The following FBXL7 variants were observed in gnomAD, a reference collection of about 807,000 sequenced individuals.
FBXL7 encodes the protein F-box and leucine rich repeat protein 7.
FBXL7 carries 12 observed loss-of-function variants against 38.3 expected under a neutral mutation model. The observed-to-expected ratio is 0.31, with a 90% CI of 0.20 to 0.51. FBXL7 has a LOEUF of 0.51. Ranked by LOEUF, FBXL7 falls within the 20% of genes least tolerant of loss-of-function variation. The pLI, the probability that FBXL7 is intolerant of heterozygous loss-of-function variation, is 0.98. For synonymous variants in FBXL7, 297 were observed against 300.9 expected (o/e 0.99, Z 0.13); for missense variants, 567 against 676.4 (o/e 0.84, Z 1.79).
rs750256987 is a variant in FBXL7, at chr5:15,734,976, C to T, written c.127+118904C>T. ...GACAGAGTTTTGCTCTTGTTGCCCC[C>T]GCTGGAGTACAAGGGCATGATCTTG... On this transcript the variant is annotated intron_variant, in intron 2 of 3. Transcript: ENST00000504595. 3.3e-5 allele frequency among the ~76,000 whole-genome samples: 5 copies of T among 152,110 alleles called. No homozygotes were observed. The East Asian group carries it at 5.8e-4, about 18-fold the overall frequency.
At position 15,596,877 on chromosome 5, in the gene FBXL7, C is replaced by G. The variant is rs80233469; in HGVS notation, c.38-19106C>G. Among the ~76,000 whole-genome samples the G allele has an allele frequency of 3.0e-3, 463 of 152,312 alleles. 2 individuals are homozygous for G. Among genetic ancestry groups the G allele is most frequent in the Non-Finnish European group, 5.2e-3 (355 of 68,032 alleles). On this transcript the variant is annotated intron_variant, in intron 1 of 3. Coordinates refer to ENST00000504595, the MANE Select transcript of FBXL7 (RefSeq NM_012304.5). The stretch of plus-strand genomic sequence containing the variant: ...ACGCTCCATGCCCCTTCCCACATAC[C>G]TCGCCCTGTGCATCTCTTCATCTCT...
intron 1 of FBXL7, among the ~76,000 whole-genome samples, chr5:15,587,042 C>A (rs971507479): frequency 1.3e-5 from 2 of 152,200 alleles, no homozygotes; most frequent in African/African-American, 4.8e-5. Flanking sequence ...ATATTTCCTT[C>A]TGAACCTCAG....
chr5:15,632,435 A>G (rs979217725), intron 2 of FBXL7, among the ~76,000 whole-genome samples: 1 of 152,194 alleles, frequency 6.6e-6, no homozygotes, highest in African/African-American at 2.4e-5. Flanking sequence ...GGGAATGTGG[A>G]CTAGTTCATC....
At chr5:15,808,236 AT>A (rs1376857012) in intron 2 of FBXL7, among the ~76,000 whole-genome samples, 1 of 151,402 alleles carries the variant, frequency 6.6e-6, no homozygotes, top group African/African-American at 2.4e-5. Flanking sequence ...GATTTCCTTC[AT>A]TGTCTTTCTC....
intron 2 of FBXL7, among the ~76,000 whole-genome samples, chr5:15,905,280 G>A (rs1209730562): frequency 6.6e-6 from 1 of 152,108 alleles, no homozygotes; most frequent in African/African-American, 2.4e-5. Context: ...CTCTTTTTAA[G>A]CTAAAATTAA....
intron 2 of FBXL7, among the ~76,000 whole-genome samples, chr5:15,724,670 C>T (rs1186323836): frequency 6.6e-6 from 1 of 152,152 alleles, no homozygotes; most frequent in South Asian, 2.1e-4. Flanking sequence ...TATGAATTTT[C>T]TGGTGATTTA....
Position 15,883,594 on chromosome 5 carries a change from G to A in FBXL7, c.128-44296G>A, listed in dbSNP as rs566760857. On this transcript the variant is annotated intron_variant, in intron 2 of 3. Transcript: ENST00000504595. ...ATGCGTCATTTTTGTTGGAAATATTGGGGCAGAAAGTCCAAAATGTGATCA... is the reference window on the plus strand; with the variant it reads ...ATGCGTCATTTTTGTTGGAAATATTAGGGCAGAAAGTCCAAAATGTGATCA... Among the ~76,000 whole-genome samples, 6 of 152,178 alleles carry A rather than the reference G, an allele frequency of 3.9e-5. No individual in the cohort carries two copies. In the South Asian group the frequency reaches 1.2e-3, roughly 32 times the overall value.
chr5:15,879,816 G>T lies in FBXL7; in HGVS notation c.128-48074G>T, dbSNP rs993086506. Among the ~76,000 whole-genome samples the T allele has an allele frequency of 5.9e-5, 9 of 152,304 alleles. No homozygotes were observed. In the East Asian group the frequency reaches 1.7e-3, roughly 29 times the overall value. ...TGATAATACAGAGATCAATACCAAA[G>T]CATTCTAAACATCTATAGGATCCCC... On this transcript the variant is annotated intron_variant, in intron 2 of 3. Transcript: ENST00000504595.
chr5:15,819,126 C>A (rs1215033849), intron 2 of FBXL7, among the ~76,000 whole-genome samples: 1 of 152,166 alleles, frequency 6.6e-6, no homozygotes, highest in Non-Finnish European at 1.5e-5. Context: ...TAATTTTCTG[C>A]ATTGCAAACC....
intron 2 of FBXL7, among the ~76,000 whole-genome samples, chr5:15,736,222 T>C (rs1186905891): frequency 6.6e-6 from 1 of 152,210 alleles, no homozygotes; most frequent in African/African-American, 2.4e-5. Context: ...TTTATAAATG[T>C]GATATAGTGT....
intron 1 of FBXL7, among the ~76,000 whole-genome samples, chr5:15,560,500 C>G (rs1188435365): frequency 2.0e-5 from 3 of 152,214 alleles, no homozygotes; most frequent in African/African-American, 7.2e-5. Flanking sequence ...GCATGTGTCT[C>G]TGTCTCAGAG....
At chr5:15,535,411 C>T (rs1180639951) in intron 1 of FBXL7, among the ~76,000 whole-genome samples, 1 of 152,152 alleles carries the variant, frequency 6.6e-6, no homozygotes. Context: ...TGATTTTGAC[C>T]AAAATGCTAA....
At chr5:15,831,945 G>A (rs576507607) in intron 2 of FBXL7, among the ~76,000 whole-genome samples, 40 of 152,100 alleles carry the variant, frequency 2.6e-4, no homozygotes, top group Admixed American at 2.3e-3. Flanking sequence ...CTCTTCCAAG[G>A]ATGGGAAGTC....
intron 2 of FBXL7, among the ~76,000 whole-genome samples, chr5:15,656,444 A>G (rs1461916143): frequency 6.6e-6 from 1 of 152,216 alleles, no homozygotes; most frequent in African/African-American, 2.4e-5. Flanking sequence ...CCCGTCTTAC[A>G]TGGATGGCAG....
intron 2 of FBXL7, among the ~76,000 whole-genome samples, chr5:15,784,559 G>A (rs561508411): frequency 1.3e-5 from 2 of 152,202 alleles, no homozygotes; most frequent in East Asian, 1.9e-4. Context: ...GGCCTGGTGG[G>A]AGGTGGGTCG....
At chr5:15,931,428 G>A (rs13189148) in intron 3 of FBXL7, among the ~76,000 whole-genome samples, 43,945 of 151,890 alleles carry the variant, frequency 0.29, 6,411 homozygotes, top group Admixed American at 0.35. Context: ...GTAGAGTCCT[G>A]TTCAGGTGAC....
At chr5:15,564,262 C>A (rs981993085) in intron 1 of FBXL7, among the ~76,000 whole-genome samples, 4 of 151,862 alleles carry the variant, frequency 2.6e-5, no homozygotes, top group African/African-American at 9.7e-5. Context: ...TGCAAAACAA[C>A]AGGTTTTATG....
chr5:15,538,711 T>A (rs1445922567), intron 1 of FBXL7, among the ~76,000 whole-genome samples: 1 of 152,224 alleles, frequency 6.6e-6, no homozygotes, highest in Non-Finnish European at 1.5e-5. Context: ...TTTAAATGCA[T>A]CTGTTCTGAT....
chr5:15,866,197 G>A (rs995403050), intron 2 of FBXL7, among the ~76,000 whole-genome samples: 2 of 152,184 alleles, frequency 1.3e-5, no homozygotes, highest in African/African-American at 4.8e-5. Context: ...GGTAGATTTT[G>A]TTTTCAATTA....
Sources: allele counts gnomAD v4.1 joint callset (sites outside exome capture counted in the v4.1 genomes callset), GRCh38; gene constraint gnomAD v4.1.1; transcripts MANE v1.5; gene names NCBI Gene and HGNC (gene_info 2026-07-23, HGNC 2026-07-21).